PTPRM: variants seen among roughly 807,000 people sequenced by gnomAD.
The protein encoded by PTPRM is protein tyrosine phosphatase receptor type M.
In PTPRM, 47 loss-of-function variants were observed where a neutral mutation model predicts 186.7. That is an observed-to-expected ratio of 0.25 (90% confidence interval 0.20 to 0.32). The LOEUF is 0.32. Ranked by LOEUF, PTPRM falls within the 10% of genes least tolerant of loss-of-function variation. PTPRM has a pLI of 1.00. For missense variants in PTPRM, 1,494 were observed against 1,865.0 expected (o/e 0.80, Z 3.66); for synonymous variants, 668 against 674.9 (o/e 0.99, Z 0.16).
intron 7 of PTPRM, among the ~76,000 whole-genome samples, chr18:7,994,070 A>G (rs1473821267): frequency 6.6e-6 from 1 of 152,136 alleles, no homozygotes; most frequent in African/African-American, 2.4e-5. Flanking sequence ...TCTGCCCACA[A>G]GAAACTGACC....
chr18:7,897,718 C>A (rs2146457832), intron 3 of PTPRM, among the ~76,000 whole-genome samples: 1 of 152,240 alleles, frequency 6.6e-6, no homozygotes, highest in East Asian at 1.9e-4. Context: ...CTATTGTTTA[C>A]CATCTTAATC....
chr18:8,300,036 T>C (rs2095139235), intron 20 of PTPRM, among the ~76,000 whole-genome samples: 1 of 152,186 alleles, frequency 6.6e-6, no homozygotes, highest in African/African-American at 2.4e-5. Flanking sequence ...TTTGTGTGTC[T>C]GGCACAATGT....
chr18:8,086,304 G>C (rs2090432438), intron 10 of PTPRM, among the ~76,000 whole-genome samples: 1 of 152,092 alleles, frequency 6.6e-6, no homozygotes. Flanking sequence ...AGAAACTTCT[G>C]TCCTGAAGAG....
intron 27 of PTPRM, 131 bp downstream of exon 27, chr18:8,378,545 T>C (rs2095710751): frequency 8.6e-7 from 1 of 1,156,618 alleles, no homozygotes; most frequent in Non-Finnish European, 1.2e-6. Context: ...TATTCAGGGC[T>C]GGGTAACCCA....
At chr18:7,772,207 T>C (rs919849463) in intron 1 of PTPRM, among the ~76,000 whole-genome samples, 2 of 151,882 alleles carry the variant, frequency 1.3e-5, no homozygotes, top group African/African-American at 2.4e-5. Context: ...ACAGCTCTTT[T>C]CAAATAATCA....
chr18:7,929,283 T>C (rs778597912), intron 5 of PTPRM, among the ~76,000 whole-genome samples: 8 of 152,182 alleles, frequency 5.3e-5, no homozygotes, highest in Non-Finnish European at 1.0e-4. Flanking sequence ...TAATTTTCCA[T>C]GTACTGATCT....
intron 1 of PTPRM, among the ~76,000 whole-genome samples, chr18:7,612,778 G>A (rs1053381724): frequency 1.3e-5 from 2 of 152,176 alleles, no homozygotes; most frequent in African/African-American, 4.8e-5. Flanking sequence ...CAGGGAAGGT[G>A]TAATTTCTTT....
intron 3 of PTPRM, among the ~76,000 whole-genome samples, chr18:7,895,065 G>A (rs2049281380): frequency 6.6e-6 from 1 of 152,136 alleles, no homozygotes; most frequent in Non-Finnish European, 1.5e-5. Context: ...CAGCATCAGA[G>A]GACAGTAAAA....
intron 14 of PTPRM, among the ~76,000 whole-genome samples, chr18:8,206,240 A>G (rs2093926651): frequency 2.1e-5 from 2 of 96,322 alleles, no homozygotes; most frequent in South Asian, 9.0e-4. Flanking sequence ...GACTTTATCA[A>G]GGCTGAATTT....
intron 14 of PTPRM, among the ~76,000 whole-genome samples, chr18:8,178,568 G>A (rs554618964): frequency 6.6e-6 from 1 of 152,134 alleles, no homozygotes; most frequent in Non-Finnish European, 1.5e-5. Context: ...TGGATGAACT[G>A]AGGTCAGGAG....
chr18:8,286,247 T>C (rs2094955787), intron 19 of PTPRM, among the ~76,000 whole-genome samples: 1 of 152,136 alleles, frequency 6.6e-6, no homozygotes, highest in South Asian at 2.1e-4. Flanking sequence ...TCAAATCACA[T>C]TAGTGAAATG....
At chr18:7,619,961 C>CGAG (rs2037897934) in intron 1 of PTPRM, among the ~76,000 whole-genome samples, 1 of 152,182 alleles carries the variant, frequency 6.6e-6, no homozygotes, top group Admixed American at 6.5e-5. Flanking sequence ...AAAGAGCTCC[C>CGAG]AGCTGATGGC....
chr18:8,029,833 A>G (rs913995633), intron 7 of PTPRM, among the ~76,000 whole-genome samples: 1 of 152,136 alleles, frequency 6.6e-6, no homozygotes, highest in African/African-American at 2.4e-5. Flanking sequence ...TGTCTTCCCA[A>G]TGTCCACAGG....
rs773093730 is a variant in PTPRM, at chr18:7,949,274, C to G, written c.757C>G (p.Arg253Gly). 1.2e-6 allele frequency: 2 copies of G among 1,613,730 alleles called. No individual in the cohort carries two copies. The highest frequency in any genetic ancestry group is 8.5e-7 in the Non-Finnish European group (1 of 1,179,762). The change falls in exon 6 of 33, where the codon CGA becomes GGA. Residue 253 changes from arginine to glycine, a missense_variant. By Grantham distance (125) the Arg-to-Gly change is moderately radical (BLOSUM62 -2). Transcript: ENST00000580170. ...ATTTAATGTTGTGAATACCACCAAA[C>G]GAGATGCTGGAAAGTACCGCTGCAT... The part of the protein sequence containing the change: ...ASFNVVNTTK[R>G]DAGKYRCMIR...
chr18:8,194,812 G>A (rs919590179), intron 14 of PTPRM, among the ~76,000 whole-genome samples: 2 of 151,852 alleles, frequency 1.3e-5, no homozygotes, highest in African/African-American at 2.4e-5. Context: ...TCCTGTTTGG[G>A]AGTCACTTAG....
intron 11 of PTPRM, among the ~76,000 whole-genome samples, chr18:8,103,599 C>T (rs1451473390): frequency 6.6e-6 from 1 of 152,186 alleles, no homozygotes; most frequent in Non-Finnish European, 1.5e-5. Flanking sequence ...AAGGGAATAT[C>T]ATGGCTGGTT....
intron 14 of PTPRM, among the ~76,000 whole-genome samples, chr18:8,182,667 T>C (rs928046066): frequency 1.3e-5 from 2 of 152,220 alleles, no homozygotes; most frequent in Admixed American, 6.5e-5. Flanking sequence ...GGGACCACTA[T>C]TGCACTCTAC....
intron 1 of PTPRM, among the ~76,000 whole-genome samples, chr18:7,574,926 G>A (rs1037462547): frequency 6.6e-6 from 1 of 152,258 alleles, no homozygotes; most frequent in South Asian, 2.1e-4. Flanking sequence ...CAGCTACTCC[G>A]GAAGCTGAGG....
At chr18:8,386,612 A>AT (rs2095775830) in intron 30 of PTPRM, among the ~76,000 whole-genome samples, 1 of 152,218 alleles carries the variant, frequency 6.6e-6, no homozygotes, top group South Asian at 2.1e-4. Flanking sequence ...TTAATTAACT[A>AT]TTGCTATCTT....
Sources: allele counts gnomAD v4.1 joint callset (sites outside exome capture counted in the v4.1 genomes callset), GRCh38; gene constraint gnomAD v4.1.1; transcripts MANE v1.5; gene names NCBI Gene and HGNC (gene_info 2026-07-23, HGNC 2026-07-21).